MAGI2: variants seen among roughly 807,000 people sequenced by gnomAD.
MAGI2 encodes membrane-associated guanylate kinase, WW and PDZ domain-containing protein 2.
In MAGI2, 35 loss-of-function variants were observed where a neutral mutation model predicts 133.3. The observed-to-expected ratio is 0.26, with a 90% confidence interval of 0.20 to 0.35. MAGI2 has a LOEUF of 0.35. MAGI2 is among the 10% of genes least tolerant of loss of function. The pLI is 1.00. For missense variants in MAGI2, 1,636 were observed against 1,863.4 expected, an observed-to-expected ratio of 0.88 and a Z score of 2.25; for synonymous variants, 729 against 710.6, an observed-to-expected ratio of 1.03 and a Z score of -0.41.
intron 1 of MAGI2, among the ~76,000 whole-genome samples, chr7:79,323,030 G>T (rs906391854): frequency 2.6e-5 from 4 of 151,956 alleles, no homozygotes; most frequent in African/African-American, 9.7e-5. Flanking sequence ...TAGTGACAGG[G>T]TCTCACTATG....
chr7:78,296,460 ATTCTGGTTT>A (rs1182057688), intron 9 of MAGI2, among the ~76,000 whole-genome samples: 1 of 152,012 alleles, frequency 6.6e-6, no homozygotes, highest in Non-Finnish European at 1.5e-5. Flanking sequence ...CTATTCACTT[ATTCTGGTTT>A]TTCTTCATTA....
chr7:78,109,230 G>C (rs1482278612), intron 20 of MAGI2, among the ~76,000 whole-genome samples: 3 of 136,222 alleles, frequency 2.2e-5, no homozygotes, highest in Non-Finnish European at 1.5e-5. Context: ...CGCGAACCCA[G>C]GAGGCGGAGC....
At chr7:78,329,505 C>T (rs73134514) in intron 9 of MAGI2, among the ~76,000 whole-genome samples, 7,654 of 152,264 alleles carry the variant, frequency 0.05, 301 homozygotes, top group African/African-American at 0.091. Context: ...GAACTTTTCA[C>T]CGAGCACTTG....
chr7:78,853,328 C>CTTT (rs1793307069), intron 2 of MAGI2, among the ~76,000 whole-genome samples: 1 of 59,746 alleles, frequency 1.7e-5, no homozygotes, highest in African/African-American at 6.4e-5. Flanking sequence ...CTTGTCCATT[C>CTTT]GTTCTTTTTT....
At chr7:78,949,711 T>C (rs1195602030) in intron 2 of MAGI2, among the ~76,000 whole-genome samples, 5 of 152,222 alleles carry the variant, frequency 3.3e-5, no homozygotes, top group African/African-American at 1.2e-4. Flanking sequence ...TTTCATTTCA[T>C]TGTTGTAGAG....
chr7:79,133,875 G>C (rs1394181788), intron 1 of MAGI2, among the ~76,000 whole-genome samples: 1 of 152,110 alleles, frequency 6.6e-6, no homozygotes, highest in Non-Finnish European at 1.5e-5. Context: ...TAGTACTCCA[G>C]GGGTACCACT....
chr7:78,233,508 T>C (rs1445240036), intron 10 of MAGI2, among the ~76,000 whole-genome samples: 2 of 152,150 alleles, frequency 1.3e-5, no homozygotes, highest in Non-Finnish European at 2.9e-5. Context: ...AAGTAAAGGC[T>C]ATTCCTACAA....
rs1197216630 is a variant in MAGI2, at chr7:79,043,904, C to T, written c.302-36698G>A. ...AGTTGTGAATATTGAGTGTGAATAC[C>T]ATTAGAGTTGTGAAATTGAATCAAT... On this transcript the variant is annotated intron_variant, in intron 1 of 21. Transcript: ENST00000354212. Among the ~76,000 whole-genome samples the T allele has an allele frequency of 5.3e-5, 8 of 151,820 alleles. No homozygotes were observed. In the East Asian group the frequency reaches 1.5e-3, roughly 29 times the overall value.
chr7:78,445,592 T>C (rs1788051962), intron 6 of MAGI2, among the ~76,000 whole-genome samples: 1 of 152,082 alleles, frequency 6.6e-6, no homozygotes, highest in Admixed American at 6.6e-5. Context: ...ATATTGACTG[T>C]TGCTACCACA....
chr7:79,109,451 C>G (rs7796560), intron 1 of MAGI2, among the ~76,000 whole-genome samples: 125,285 of 152,202 alleles, frequency 0.82, 51,895 homozygotes, highest in Non-Finnish European at 0.86. Flanking sequence ...GTTTAAACTT[C>G]AGAGTAATAA....
intron 1 of MAGI2, among the ~76,000 whole-genome samples, chr7:79,023,183 T>C (rs113102206): frequency 0.066 from 10,073 of 152,130 alleles, 361 homozygotes; most frequent in Non-Finnish European, 0.081. Context: ...TTGTTCAATA[T>C]ACAAATCAAT....
At chr7:78,914,870 C>T (rs745904484) in intron 2 of MAGI2, among the ~76,000 whole-genome samples, 4 of 151,940 alleles carry the variant, frequency 2.6e-5, no homozygotes, top group Admixed American at 6.6e-5. Context: ...GTCAAAGAGA[C>T]GGCTCAGTTT....
At chr7:78,440,569 G>T (rs979400410) in intron 6 of MAGI2, among the ~76,000 whole-genome samples, 12 of 152,108 alleles carry the variant, frequency 7.9e-5, no homozygotes, top group Admixed American at 7.9e-4. Flanking sequence ...TAGGAAACAG[G>T]TATCAACAAA....
chr7:78,538,142 C>T (rs529062058), intron 3 of MAGI2, among the ~76,000 whole-genome samples: 1 of 152,122 alleles, frequency 6.6e-6, no homozygotes, highest in Non-Finnish European at 1.5e-5. Context: ...CCCATAAGTA[C>T]ATGGCTTTGT....
intron 1 of MAGI2, among the ~76,000 whole-genome samples, chr7:79,119,525 T>C (rs1316228400): frequency 6.6e-6 from 1 of 152,074 alleles, no homozygotes; most frequent in African/African-American, 2.4e-5. Context: ...GTAAAACATA[T>C]GAAATTCATA....
intron 4 of MAGI2, among the ~76,000 whole-genome samples, chr7:78,513,168 C>T (rs1271482403): frequency 2.0e-5 from 3 of 151,670 alleles, no homozygotes; most frequent in Admixed American, 6.6e-5. Flanking sequence ...AAACAGGAGG[C>T]CACTTTCTGA....
intron 2 of MAGI2, among the ~76,000 whole-genome samples, chr7:78,810,159 C>G (rs1339782398): frequency 6.6e-6 from 1 of 151,840 alleles, no homozygotes; most frequent in African/African-American, 2.4e-5. Flanking sequence ...TATTGTTTTC[C>G]TGATAAGTTA....
At chr7:78,394,526 C>T (rs1287253920) in intron 6 of MAGI2, among the ~76,000 whole-genome samples, 1 of 152,090 alleles carries the variant, frequency 6.6e-6, no homozygotes, top group Non-Finnish European at 1.5e-5. Flanking sequence ...TGCTTGGAGC[C>T]CACTTCTCAC....
At chr7:79,390,241 G>A (rs913020103) in intron 1 of MAGI2, among the ~76,000 whole-genome samples, 3 of 152,250 alleles carry the variant, frequency 2.0e-5, no homozygotes, top group South Asian at 4.1e-4. Flanking sequence ...AACTCAGGAC[G>A]CAATTCCACT....
Sources: gnomAD v4.1 joint callset for allele counts (sites outside exome capture counted in the v4.1 genomes callset) on GRCh38, gnomAD v4.1.1 for gene constraint, MANE v1.5 for transcripts, NCBI Gene and HGNC (gene_info 2026-07-23, HGNC 2026-07-21) for gene names.